ADGRB3: variants seen among roughly 807,000 people sequenced by gnomAD.
The protein encoded by ADGRB3 is brain-specific angiogenesis inhibitor 3.
A neutral mutation model predicts 193.4 loss-of-function variants in ADGRB3; 37 were observed. The observed-to-expected ratio is 0.19, with a 90% CI of 0.15 to 0.25. The LOEUF (loss-of-function observed/expected upper bound fraction) is 0.25, where lower values mean the gene tolerates loss of function less well. ADGRB3 is among the 10% of genes least tolerant of loss of function. ADGRB3 has a pLI of 1.00. For synonymous variants in ADGRB3, 690 were observed against 644.2 expected (o/e 1.07, Z -1.08); for missense variants, 1,637 against 1,852.9 (o/e 0.88, Z 2.14).
rs532185225 is a variant in ADGRB3, at chr6:68,883,638, C to A, written c.758-46921C>A. 2.6e-5 allele frequency among the ~76,000 whole-genome samples: 4 copies of A among 152,248 alleles called. No individual in the cohort carries two copies. In the South Asian group the frequency reaches 8.3e-4, roughly 32 times the overall value. On this transcript the variant is annotated intron_variant, in intron 3 of 31. Coordinates refer to ENST00000370598, the MANE Select transcript of ADGRB3 (RefSeq NM_001704.3). ...AACTCCAGAGGCACTGCCTTAAAAG[C>A]TGTAACACTCACCGCAAAGGTCTGC... is the stretch of plus-strand genomic sequence containing the variant.
At chr6:68,647,975 A>G (rs1400640210) in intron 3 of ADGRB3, among the ~76,000 whole-genome samples, 2 of 152,164 alleles carry the variant, frequency 1.3e-5, no homozygotes, top group African/African-American at 2.4e-5. Flanking sequence ...GTTAGCATCA[A>G]TTTGAGAATT....
At chr6:68,889,507 ATTT>A (rs10535990) in intron 3 of ADGRB3, among the ~76,000 whole-genome samples, 23 of 142,056 alleles carry the variant, frequency 1.6e-4, no homozygotes, top group East Asian at 8.2e-4. Context: ...TTTCTCTTTT[ATTT>A]TTTTTTTTTT....
rs801262 is a variant in ADGRB3, at chr6:68,814,481, T to G, written c.758-116078T>G. 2.0e-5 allele frequency among the ~76,000 whole-genome samples: 3 copies of G among 152,144 alleles called. No individual in the cohort carries two copies. In the South Asian group the frequency reaches 6.2e-4, roughly 31 times the overall value. ...TCAGATGAGTAGACTGCAAAAAGTT[T>G]CTCCCATTCTGTAGGTTGCCTGTTC... is the stretch of plus-strand genomic sequence containing the variant. On this transcript the variant is annotated intron_variant, in intron 3 of 31. Transcript: ENST00000370598.
rs577168005 is a variant in ADGRB3, at chr6:69,169,242, T to A, written c.2481-64048T>A. On this transcript the variant is annotated intron_variant, in intron 17 of 31. Coordinates refer to ENST00000370598, the MANE Select transcript of ADGRB3 (RefSeq NM_001704.3). ...AATTGTGATTATGCAATTTTACAAC[T>A]GACTACTGAAAATGTTGTTTATTTT... Among the ~76,000 whole-genome samples the A allele has an allele frequency of 3.5e-3, 537 of 152,240 alleles. 5 individuals are homozygous for A. The highest frequency in any genetic ancestry group is 0.01 in the Middle Eastern group (3 of 294).
At chr6:69,378,486 A>G (rs542432346) in intron 30 of ADGRB3, among the ~76,000 whole-genome samples, 3 of 152,164 alleles carry the variant, frequency 2.0e-5, no homozygotes, top group Non-Finnish European at 2.9e-5. Context: ...TAATCAGTAA[A>G]GTGGAGATAA....
In ADGRB3 at chr6:69,210,169, T is replaced by TATATATATATATAA. The variant is rs1195654301; in HGVS notation, c.2481-23120_2481-23119insTATATATATATAAA. ...TATATCATATATATATATATATATA[T>TATATATATATATAA]AAAGGGGAGTTTATTAAATATTAAC... On this transcript the variant is annotated intron_variant, in intron 17 of 31. Coordinates refer to ENST00000370598, the MANE Select transcript of ADGRB3 (RefSeq NM_001704.3). Among the ~76,000 whole-genome samples the TATATATATATATAA allele has an allele frequency of 4.6e-4, 60 of 131,124 alleles. 2 individuals carry two copies. The highest frequency in any genetic ancestry group is 3.8e-4 in the Admixed American group (5 of 13,122). 86.0% of individuals were successfully genotyped at this position (131,124 alleles called of 152,430 possible). A position where few individuals can be genotyped will look rare whatever the true frequency, so the allele number is the denominator to read the frequency against.
chr6:68,834,211 A>G (rs1463754382), intron 3 of ADGRB3, among the ~76,000 whole-genome samples: 1 of 152,054 alleles, frequency 6.6e-6, no homozygotes, highest in Non-Finnish European at 1.5e-5. Context: ...CCAAAATCAC[A>G]TGACATCATG....
intron 11 of ADGRB3, among the ~76,000 whole-genome samples, chr6:69,004,499 G>A (rs1769683440): frequency 6.6e-6 from 1 of 151,026 alleles, no homozygotes; most frequent in South Asian, 2.1e-4. Flanking sequence ...GTGCCATGTT[G>A]GTGTGCTGCA....
chr6:68,976,387 G>A (rs1768749088), intron 10 of ADGRB3, among the ~76,000 whole-genome samples: 2 of 151,980 alleles, frequency 1.3e-5, no homozygotes, highest in Admixed American at 1.3e-4. Flanking sequence ...ACTATCTGGA[G>A]AATTATTTCT....
intron 17 of ADGRB3, among the ~76,000 whole-genome samples, chr6:69,148,514 A>T (rs1455031641): frequency 6.6e-6 from 1 of 152,076 alleles, no homozygotes; most frequent in African/African-American, 2.4e-5. Flanking sequence ...TGTAGTTATT[A>T]TTTTTGATTG....
intron 3 of ADGRB3, among the ~76,000 whole-genome samples, chr6:68,884,404 C>A (rs1582282975): frequency 6.6e-6 from 1 of 152,000 alleles, no homozygotes; most frequent in African/African-American, 2.4e-5. Flanking sequence ...AATAGATTGA[C>A]CTAAATTGGA....
intron 3 of ADGRB3, among the ~76,000 whole-genome samples, chr6:68,701,060 T>C (rs1181935458): frequency 6.6e-6 from 1 of 152,146 alleles, no homozygotes; most frequent in Non-Finnish European, 1.5e-5. Flanking sequence ...GACTTAAGTA[T>C]CCTAATGAAT....
chr6:68,916,924 A>T (rs1331433105), intron 3 of ADGRB3, among the ~76,000 whole-genome samples: 1 of 152,170 alleles, frequency 6.6e-6, no homozygotes. Flanking sequence ...GAAGTCATAA[A>T]AGGACTTTAT....
intron 17 of ADGRB3, among the ~76,000 whole-genome samples, chr6:69,103,862 A>C (rs992739977): frequency 1.3e-5 from 2 of 151,758 alleles, no homozygotes; most frequent in Non-Finnish European, 2.9e-5. Flanking sequence ...CAGTGACAGT[A>C]GGAAAACTTG....
intron 11 of ADGRB3, among the ~76,000 whole-genome samples, chr6:68,994,545 C>T (rs987022513): frequency 6.6e-6 from 1 of 152,040 alleles, no homozygotes; most frequent in Admixed American, 6.6e-5. Context: ...CATTTATTTC[C>T]ATAATAAAGT....
rs558601287 is a variant in ADGRB3, at chr6:68,654,817, A to G, written c.757+15385A>G. Among the ~76,000 whole-genome samples the G allele has an allele frequency of 1.7e-3, 251 of 152,014 alleles. 1 individual carries two copies. The highest frequency in any genetic ancestry group is 5.9e-3 in the African/African-American group (245 of 41,544). ...AAATACCTTCTGCAAAGGAAGCTTT[A>G]AATTTTAATTTGATTTGTTTGAAAA... On this transcript the variant is annotated intron_variant, in intron 3 of 31. Transcript: ENST00000370598.
chr6:68,847,848 T>A (rs1768312229), intron 3 of ADGRB3, among the ~76,000 whole-genome samples: 2 of 151,626 alleles, frequency 1.3e-5, no homozygotes, highest in Admixed American at 1.3e-4. Context: ...AGAAAGTAAG[T>A]TCAGAAGGAA....
chr6:68,871,938 T>A (rs1305152893), intron 3 of ADGRB3, among the ~76,000 whole-genome samples: 2 of 152,272 alleles, frequency 1.3e-5, no homozygotes, highest in Admixed American at 1.3e-4. Context: ...TTGATTAGGT[T>A]TATTTCTTCA....
At chr6:69,186,183 A>C (rs1286530529) in intron 17 of ADGRB3, among the ~76,000 whole-genome samples, 1 of 151,408 alleles carries the variant, frequency 6.6e-6, no homozygotes, top group African/African-American at 2.4e-5. Context: ...AATAGCAAAA[A>C]AAAAAAAAAA....
Sources: gnomAD v4.1 joint callset for allele counts (sites outside exome capture counted in the v4.1 genomes callset) on GRCh38, gnomAD v4.1.1 for gene constraint, MANE v1.5 for transcripts, NCBI Gene and HGNC (gene_info 2026-07-23, HGNC 2026-07-21) for gene names.